The following CPD variants were observed in gnomAD, a reference collection of about 807,000 sequenced individuals.
CPD encodes the protein carboxypeptidase D, also known as metallocarboxypeptidase D.
A neutral mutation model predicts 138.3 loss-of-function variants in CPD; 69 were observed. The observed-to-expected ratio is 0.50, with a 90% CI of 0.41 to 0.61. The LOEUF (loss-of-function observed/expected upper bound fraction) is 0.61. Ranked by LOEUF, CPD falls within the 20% of genes least tolerant of loss-of-function variation. The probability of loss-of-function intolerance (pLI) is 0.00; values close to 1 mark genes in which losing one functional copy is unlikely to be tolerated. For missense variants in CPD, 1,432 were observed against 1,733.3 expected (o/e 0.83, Z 3.09); for synonymous variants, 651 against 642.1 (o/e 1.01, Z -0.21).
chr17:30,464,464 C>T, intron 20 of CPD, 124 bp from the exon 21 acceptor site: 2 of 716,642 alleles, frequency 2.8e-6, no homozygotes, highest in Non-Finnish European at 4.7e-6. Flanking sequence ...AAAGGTTGTT[C>T]TTAAGTGCAT....
chr17:30,429,794 A>G (rs1163640717), intron 7 of CPD, among the ~76,000 whole-genome samples: 2 of 152,170 alleles, frequency 1.3e-5, no homozygotes, highest in Non-Finnish European at 2.9e-5. Context: ...GAAAGTGACT[A>G]GGAAATATGC....
intron 10 of CPD, among the ~76,000 whole-genome samples, chr17:30,443,211 G>T (rs1302080992): frequency 6.6e-6 from 1 of 151,966 alleles, no homozygotes; most frequent in Non-Finnish European, 1.5e-5. Flanking sequence ...TAAATTGCAG[G>T]TATGGTATTT....
intron 11 of CPD, among the ~76,000 whole-genome samples, chr17:30,445,036 G>A (rs1912989769): frequency 6.6e-6 from 1 of 152,098 alleles, no homozygotes; most frequent in Non-Finnish European, 1.5e-5. Context: ...GTGTTTGGCA[G>A]AGAATGTCAT....
At chr17:30,384,706 GT>G (rs1911134448) in intron 1 of CPD, among the ~76,000 whole-genome samples, 1 of 152,104 alleles carries the variant, frequency 6.6e-6, no homozygotes, top group South Asian at 2.1e-4. Flanking sequence ...TTTATACTGT[GT>G]TATCCAGCTA....
At chr17:30,384,559 G>T (rs1406249389) in intron 1 of CPD, among the ~76,000 whole-genome samples, 1 of 152,092 alleles carries the variant, frequency 6.6e-6, no homozygotes, top group Non-Finnish European at 1.5e-5. Flanking sequence ...CCAGCATTTT[G>T]GGAGGCCTGG....
At chr17:30,381,469 G>C (rs1911044397) in intron 1 of CPD, among the ~76,000 whole-genome samples, 1 of 152,154 alleles carries the variant, frequency 6.6e-6, no homozygotes. Context: ...GTCTGTGGCT[G>C]TGGACTACCC....
chr17:30,408,719 G>A (rs1049592456), intron 2 of CPD, among the ~76,000 whole-genome samples: 3 of 152,276 alleles, frequency 2.0e-5, no homozygotes, highest in African/African-American at 7.2e-5. Flanking sequence ...TGAGACCATG[G>A]AGTTTTCTAA....
chr17:30,423,824 G>A lies in CPD; in HGVS notation c.1849+127G>A. 5 of 673,346 alleles carry A rather than the reference G, an allele frequency of 7.4e-6. No individual in the cohort carries two copies. In the South Asian group the frequency reaches 1.4e-4, roughly 19 times the overall value. The allele number at this position is 673,346 out of a possible 1,614,324, so 41.7% of individuals were successfully genotyped here. A position where few individuals can be genotyped will look rare whatever the true frequency, so the allele number is the denominator to read the frequency against. On this transcript the variant is annotated intron_variant, in intron 6 of 20. Transcript: ENST00000225719. The stretch of plus-strand genomic sequence containing the variant: ...TTTTTTTTCCTTTTAATTTATGATT[G>A]ATTTTAGCTCTTGTATTCTTATATG...
At chr17:30,434,593 A>G (rs1014074523) in intron 8 of CPD, among the ~76,000 whole-genome samples, 4 of 152,210 alleles carry the variant, frequency 2.6e-5, no homozygotes, top group African/African-American at 9.6e-5. Context: ...AGTACAATTT[A>G]AAAGGAGAGG....
At position 30,423,705 on chromosome 17, in the gene CPD, A is replaced by G. The variant is rs755100857; in HGVS notation, c.1849+8A>G. 4 of 1,518,948 alleles carry G rather than the reference A, an allele frequency of 2.6e-6. No homozygotes were observed. The highest frequency in any genetic ancestry group is 1.4e-5 in the African/African-American group (1 of 71,302). The allele number at this position is 1,518,948 out of a possible 1,614,324, so 94.1% of individuals were successfully genotyped here. On this transcript the variant is annotated splice_region_variant and intron_variant, in intron 6 of 20. Transcript: ENST00000225719. ...ATGAAAAGTCCCAGGAAGGTAAAGAATAGCATTTAATTCTTAATCATTTGA... is the reference window on the plus strand; with the variant it reads ...ATGAAAAGTCCCAGGAAGGTAAAGAGTAGCATTTAATTCTTAATCATTTGA...
chr17:30,410,471 A>G (rs1000951935), intron 2 of CPD, among the ~76,000 whole-genome samples: 2 of 152,164 alleles, frequency 1.3e-5, no homozygotes, highest in African/African-American at 2.4e-5. Flanking sequence ...AAAGTCTCCC[A>G]TTATCATTGT....
chr17:30,408,742 G>A (rs1567870992), intron 2 of CPD, among the ~76,000 whole-genome samples: 1 of 152,162 alleles, frequency 6.6e-6, no homozygotes, highest in Non-Finnish European at 1.5e-5. Flanking sequence ...ATACAGTCAT[G>A]CCATCTGCAA....
chr17:30,418,385 G>A (rs1912175223), intron 2 of CPD, among the ~76,000 whole-genome samples: 1 of 151,954 alleles, frequency 6.6e-6, no homozygotes, highest in Non-Finnish European at 1.5e-5. Flanking sequence ...GTTTTGCTAT[G>A]TTGCCTAGGC....
chr17:30,455,805 A>G (rs1913278069), intron 15 of CPD: 1 of 252,552 alleles, frequency 4.0e-6, no homozygotes, highest in Non-Finnish European at 7.5e-6. Context: ...TATGTAACCA[A>G]ATACTAACAG....
rs537547138 is a variant in CPD at position 30,469,324 on chromosome 17, C to T, written c.*4510C>T. Reference sequence around the variant, plus strand: ...GCATGGACTTTGGAGTTGGACCAATCTGTGACTGATTCTTCGTTCTGCTAC... The same window carrying T: ...GCATGGACTTTGGAGTTGGACCAATTTGTGACTGATTCTTCGTTCTGCTAC... On this transcript the variant is annotated 3_prime_UTR_variant, in exon 21 of 21. Coordinates refer to ENST00000225719, the MANE Select transcript of CPD (RefSeq NM_001304.5). 6.6e-6 allele frequency: 1 copy of T among 152,352 alleles called. No homozygotes were observed. The highest frequency in any genetic ancestry group is 2.1e-4 in the South Asian group (1 of 4,830). The allele number at this position is 152,352 out of a possible 1,614,324, so 9.4% of individuals were successfully genotyped here.
At chr17:30,423,416 G>A (rs1036300938) in intron 5 of CPD, 90 bp from the exon 6 acceptor site, 2 of 965,546 alleles carry the variant, frequency 2.1e-6, no homozygotes, top group Non-Finnish European at 2.9e-6. Flanking sequence ...AAATTTTTTA[G>A]TATAGGATTT....
chr17:30,450,821 T>C (rs954623799), intron 13 of CPD, among the ~76,000 whole-genome samples: 32 of 152,298 alleles, frequency 2.1e-4, no homozygotes, highest in African/African-American at 6.0e-4. Context: ...ATTGCACCAC[T>C]GCATTCCAGC....
At chr17:30,408,814 G>A (rs144415122) in intron 2 of CPD, among the ~76,000 whole-genome samples, 4,360 of 152,172 alleles carry the variant, frequency 0.029, 208 homozygotes, top group African/African-American at 0.099. Flanking sequence ...TCTCTTGCCT[G>A]ATTGCCCTGG....
chr17:30,399,053 C>T (rs757972542), intron 2 of CPD, among the ~76,000 whole-genome samples: 5 of 151,826 alleles, frequency 3.3e-5, no homozygotes, highest in Non-Finnish European at 7.4e-5. Context: ...GAAAACAGTT[C>T]ATTATTATAG....
Sources: gnomAD v4.1 joint callset for allele counts (sites outside exome capture counted in the v4.1 genomes callset) on GRCh38, gnomAD v4.1.1 for gene constraint, MANE v1.5 for transcripts, NCBI Gene and HGNC (gene_info 2026-07-23, HGNC 2026-07-21) for gene names.